The following LDB3 variants were observed in gnomAD, a reference collection of about 807,000 sequenced individuals.
LDB3 encodes LIM domain-binding protein 3.
Under a neutral mutation model 69.0 loss-of-function variants are expected in LDB3, and 49 were observed. The ratio of observed to expected loss-of-function variants is 0.71; its 90% confidence interval spans 0.56 to 0.90. The LOEUF is 0.90. Ranked by LOEUF, LDB3 falls within the 40% of genes least tolerant of loss-of-function variation. The pLI, the probability that LDB3 is intolerant of heterozygous loss-of-function variation, is 0.00. For synonymous variants in LDB3, 387 were observed against 396.2 expected, an observed-to-expected ratio of 0.98 and a Z score of 0.28; for missense variants, 928 against 974.1, an observed-to-expected ratio of 0.95 and a Z score of 0.63.
At chr10:86,710,649 C>T (rs1414121305) in intron 9 of LDB3, among the ~76,000 whole-genome samples, 1 of 152,208 alleles carries the variant, frequency 6.6e-6, no homozygotes, top group African/African-American at 2.4e-5. Context: ...ACATAAGGAG[C>T]CTAGACTCGG....
chr10:86,673,463 C>A (rs1844600100), intron 2 of LDB3, among the ~76,000 whole-genome samples: 1 of 152,104 alleles, frequency 6.6e-6, no homozygotes. Context: ...TGACAGGAGC[C>A]AGTTGGAGCC....
chr10:86,677,444 G>T (rs1439526655), intron 2 of LDB3, among the ~76,000 whole-genome samples: 1 of 152,144 alleles, frequency 6.6e-6, no homozygotes, highest in Admixed American at 6.5e-5. Context: ...ATTACTGTGG[G>T]CAGGGCCACC....
intron 9 of LDB3, 120 bp downstream of exon 9, chr10:86,710,170 AAT>A: frequency 6.5e-7 from 1 of 1,534,374 alleles, no homozygotes; most frequent in East Asian, 2.4e-5. Context: ...AGGCCTTGCT[AAT>A]GATGCTCCGC....
chr10:86,692,163 C>G, intron 6 of LDB3, 98 bp downstream of exon 6: 1 of 1,394,752 alleles, frequency 7.2e-7, no homozygotes, highest in Admixed American at 1.9e-5. Context: ...AGTCCTGCTA[C>G]CTGCCCTTGA....
rs762985970 is a variant in LDB3, at chr10:86,716,642, G to A, written c.1547G>A (p.Arg516Gln). 5.9e-5 allele frequency: 96 copies of A among 1,613,590 alleles called. No homozygotes were observed. The highest frequency in any genetic ancestry group is 7.1e-5 in the Non-Finnish European group (84 of 1,179,890). The change falls in exon 10 of 14, where the codon CGG becomes CAG. Residue 516 changes from arginine (R) to glutamine (Q), a missense_variant. Transcript: ENST00000361373. ...TCCATCAGCAAGCAGACCCTGCCCCGGGGAGGCCCAGCCTACACCCCAGCG... is the reference window on the plus strand; with the variant it reads ...TCCATCAGCAAGCAGACCCTGCCCCAGGGAGGCCCAGCCTACACCCCAGCG... Reference protein sequence around the residue: ...TTSISKQTLPRGGPAYTPAGP... With the variant: ...TTSISKQTLPQGGPAYTPAGP...
Position 86,685,854 on chromosome 10 carries a change from C to A in LDB3, c.689+4051C>A, listed in dbSNP as rs1845439545. Among the ~76,000 whole-genome samples the A allele has an allele frequency of 3.9e-5, 6 of 152,152 alleles. 1 individual carries two copies. The South Asian group carries it at 1.2e-3, about 32-fold the overall frequency. ...ACACTTGTACCCCTGGGTGAGCCTG[C>A]ATGTGTGAAGCTGGAGTAGAAGCAT... is the stretch of plus-strand genomic sequence containing the variant. On this transcript the variant is annotated intron_variant, in intron 5 of 13. Coordinates refer to ENST00000361373, the MANE Select transcript of LDB3 (RefSeq NM_007078.3).
chr10:86,686,269 G>A (rs1845461991), intron 5 of LDB3, among the ~76,000 whole-genome samples: 1 of 152,204 alleles, frequency 6.6e-6, no homozygotes, highest in East Asian at 1.9e-4. Flanking sequence ...TGGCCTGCAG[G>A]AAGAGCCCCT....
At chr10:86,680,219 C>A in intron 4 of LDB3, 62 bp downstream of exon 4, 1 of 1,484,568 alleles carries the variant, frequency 6.7e-7, no homozygotes, top group Non-Finnish European at 9.4e-7. Context: ...CTGGCCCTGG[C>A]CAGCCTGCCT....
At chr10:86,707,460 C>G (rs1039295965) in intron 8 of LDB3, among the ~76,000 whole-genome samples, 2 of 152,026 alleles carry the variant, frequency 1.3e-5, no homozygotes, top group African/African-American at 2.4e-5. Context: ...AGACACCCAG[C>G]AAGCAGAGAC....
chr10:86,730,090 T>C (rs913425263), intron 13 of LDB3, among the ~76,000 whole-genome samples: 5 of 144,218 alleles, frequency 3.5e-5, no homozygotes, highest in African/African-American at 1.2e-4. Flanking sequence ...TTGCAGCTCA[T>C]TGGCTCCCAG....
intron 2 of LDB3, among the ~76,000 whole-genome samples, chr10:86,675,369 A>G (rs12268509): frequency 0.56 from 85,056 of 152,070 alleles, 24,234 homozygotes; most frequent in East Asian, 0.75. Flanking sequence ...ATCTGGCCCC[A>G]GCCTCTCTTG....
rs1347250429 is a variant in LDB3, at chr10:86,735,277, A to C, written c.*2301A>C. On this transcript the variant is annotated 3_prime_UTR_variant, in exon 14 of 14. Coordinates refer to ENST00000361373, the MANE Select transcript of LDB3 (RefSeq NM_007078.3). ...AAAAAAAAACAAAAAAACAAAAAAA[A>C]AACCACTTAAAAGGTAGCAGGAAAA... 6.6e-6 allele frequency: 1 copy of C among 152,050 alleles called. No homozygotes were observed. Among genetic ancestry groups the C allele is most frequent in the Non-Finnish European group, 1.5e-5 (1 of 68,018 alleles). The allele number at this position is 152,050 out of a possible 1,614,324, so 9.4% of individuals were successfully genotyped here.
At chr10:86,729,277 T>C (rs1228542990) in intron 13 of LDB3, among the ~76,000 whole-genome samples, 2 of 152,102 alleles carry the variant, frequency 1.3e-5, no homozygotes, top group East Asian at 3.9e-4. Flanking sequence ...CCAAAGCATA[T>C]AAAGTGAAGG....
At chr10:86,731,979 T>A (rs904977287) in intron 13 of LDB3, among the ~76,000 whole-genome samples, 15 of 151,522 alleles carry the variant, frequency 9.9e-5, no homozygotes, top group Admixed American at 3.9e-4. Context: ...GTAATTTTTT[T>A]AACTAATTTT....
chr10:86,731,065 G>A (rs1302719102), intron 13 of LDB3, among the ~76,000 whole-genome samples: 1 of 150,610 alleles, frequency 6.6e-6, no homozygotes, highest in Admixed American at 6.6e-5. Context: ...TGAGGCAGGA[G>A]AATTGCTTGA....
At chr10:86,732,487 G>T in intron 13 of LDB3, 1 of 450,164 alleles carries the variant, frequency 2.2e-6, no homozygotes. Context: ...TAGAATGCAT[G>T]GGGCAAGGCT....
chr10:86,718,888 TG>T, intron 12 of LDB3, 41 bp downstream of exon 12: 1 of 1,612,794 alleles, frequency 6.2e-7, no homozygotes, highest in Non-Finnish European at 8.5e-7. Flanking sequence ...CCCCACAGCC[TG>T]GGAGAAAGGG....
chr10:86,672,421 G>C (rs1368654071), intron 2 of LDB3, among the ~76,000 whole-genome samples: 1 of 152,256 alleles, frequency 6.6e-6, no homozygotes, highest in Non-Finnish European at 1.5e-5. Context: ...TGAGGACAGA[G>C]GGTCTCTGGG....
intron 12 of LDB3, 120 bp from the exon 13 acceptor site, chr10:86,726,017 T>A (rs1847238246): frequency 1.4e-6 from 1 of 711,922 alleles, no homozygotes; most frequent in African/African-American, 1.7e-5. Flanking sequence ...ATCTGTGAGA[T>A]GACAAACAAC....
Sources: allele counts gnomAD v4.1 joint callset (sites outside exome capture counted in the v4.1 genomes callset), GRCh38; gene constraint gnomAD v4.1.1; transcripts MANE v1.5; gene names NCBI Gene and HGNC (gene_info 2026-07-23, HGNC 2026-07-21).